The following SELENOV variants were observed in gnomAD, a reference collection of about 807,000 sequenced individuals.
SELENOV encodes selenoprotein V.
SELENOV carries 25 observed loss-of-function variants against 21.6 expected under a neutral mutation model. That is an observed-to-expected ratio of 1.16 (90% confidence interval 0.84 to 1.62). The LOEUF (loss-of-function observed/expected upper bound fraction) is 1.62. Ranked by LOEUF, SELENOV falls within the 40% of genes most tolerant of loss-of-function variation. The pLI is 0.00. For synonymous variants in SELENOV, 227 were observed against 216.9 expected (o/e 1.05, Z -0.41); for missense variants, 472 against 459.0 (o/e 1.03, Z -0.26).
chr19:39,515,671 G>A lies in SELENOV; in HGVS notation c.459G>A (p.Pro153=). ...TGGCCCCGGCCCTACCTTTGGATCC[G>A]CCCCCGGAACCTGCTCCGGAGCTGC... The change falls in exon 1 of 6, where the codon CCG becomes CCA. Residue 153 remains proline, a synonymous_variant. Transcript: ENST00000335426. This position sits in a 1 kb window ranked among gnomAD's most constrained non-coding sequence, Gnocchi z 5.1. The A allele has an allele frequency of 6.5e-7, 1 of 1,548,412 alleles. No homozygotes were observed. Among genetic ancestry groups the A allele is most frequent in the East Asian group, 2.4e-5 (1 of 40,894 alleles).
chr19:39,516,055 G>C, intron 1 of SELENOV, 34 bp downstream of exon 1: 1 of 1,540,440 alleles, frequency 6.5e-7, no homozygotes. Context: ...CCCAACCCCC[G>C]GGGACAGGGC....
At chr19:39,519,326 C>T (rs2079716930) in intron 5 of SELENOV, among the ~76,000 whole-genome samples, 156 bp downstream of exon 5, 1 of 151,834 alleles carries the variant, frequency 6.6e-6, no homozygotes, top group African/African-American at 2.4e-5. Flanking sequence ...TCAGTTGCCT[C>T]ATCTGTAAGA....
intron 1 of SELENOV, among the ~76,000 whole-genome samples, chr19:39,517,779 A>G (rs1276767596): frequency 4.0e-5 from 6 of 151,606 alleles, no homozygotes; most frequent in Admixed American, 3.3e-4. Context: ...ACACGGCAAC[A>G]TGGTGAAACC....
At chr19:39,519,209 G>C in intron 5 of SELENOV, 39 bp downstream of exon 5, 1 of 1,442,924 alleles carries the variant, frequency 6.9e-7, no homozygotes, top group East Asian at 2.3e-5. Flanking sequence ...GGGAGGGGTG[G>C]AGGCCGGGTA....
intron 1 of SELENOV, among the ~76,000 whole-genome samples, chr19:39,516,873 T>TG (rs2079699720): frequency 6.6e-6 from 1 of 151,662 alleles, no homozygotes; most frequent in African/African-American, 2.4e-5. Flanking sequence ...TTTTGTATTT[T>TG]TTTTTAGTAG....
intron 1 of SELENOV, among the ~76,000 whole-genome samples, chr19:39,517,764 G>A (rs910932206): frequency 1.8e-4 from 28 of 151,446 alleles, no homozygotes; most frequent in African/African-American, 6.6e-4. Flanking sequence ...AGACCAGCCT[G>A]GGCAACACGG....
In SELENOV at chr19:39,519,119, G is replaced by A. The variant is rs370273929; in HGVS notation, c.1012G>A (p.Val338Ile). ...GTCCAGGCTGCAGAAAATTGTGAGC[G>A]TTATCGATGAGGAAATCAAGAAAAG... The change falls in exon 5 of 6, where the codon GTT becomes ATT. Residue 338 changes from valine to isoleucine, a missense_variant. Coordinates refer to ENST00000335426, the Ensembl canonical transcript of SELENOV. 72 of 1,613,710 alleles carry A rather than the reference G, an allele frequency of 4.5e-5. No individual in the cohort carries two copies. Among genetic ancestry groups the A allele is most frequent in the South Asian group, 1.1e-4 (10 of 91,066 alleles).
chr19:39,516,321 T>A (rs2079696962), intron 1 of SELENOV: 2 of 554,918 alleles, frequency 3.6e-6, no homozygotes, highest in Admixed American at 5.0e-5. Flanking sequence ...AGCAGATCGA[T>A]CTACTTTGCT....
rs1357467045 is a variant in SELENOV at position 39,515,221 on chromosome 19, C to T, written c.9C>T (p.Asn3=). ...CGGTCCCCCTGGGCCCCATGAATAACCAGGCGCGGACCCCAGCCCCCTCCT... is the reference window on the plus strand; with the variant it reads ...CGGTCCCCCTGGGCCCCATGAATAATCAGGCGCGGACCCCAGCCCCCTCCT... Residue 3 remains asparagine, a synonymous_variant, in exon 1 of 6, where the codon AAC becomes AAT. Coordinates refer to ENST00000335426, the Ensembl canonical transcript of SELENOV. This position sits in a 1 kb window ranked among gnomAD's most constrained non-coding sequence, Gnocchi z 5.1. 6.5e-7 allele frequency: 1 copy of T among 1,547,930 alleles called. No homozygotes were observed.
Position 39,515,583 on chromosome 19 carries a change from C to T in SELENOV, c.371C>T (p.Ala124Val), listed in dbSNP as rs1357016984. The change falls in exon 1 of 6, where the codon GCC becomes GTC. Residue 124 changes from alanine (A) to valine (V), a missense_variant. Transcript: ENST00000335426. The surrounding 1 kb of genome is among the most constrained non-coding windows in gnomAD (Gnocchi z 5.1). The stretch of plus-strand genomic sequence containing the variant: ...CTGACTCCTCCAGTCCGGGTCCCAG[C>T]CCCAGCCCCAGCCCAGCTCCTGGCA... The T allele has an allele frequency of 1.9e-6, 3 of 1,547,908 alleles. No individual in the cohort carries two copies. The highest frequency in any genetic ancestry group is 3.9e-5 in the Admixed American group (2 of 50,990).
At chr19:39,516,887 C>T (rs1027978665) in intron 1 of SELENOV, among the ~76,000 whole-genome samples, 1 of 151,448 alleles carries the variant, frequency 6.6e-6, no homozygotes, top group Non-Finnish European at 1.5e-5. Flanking sequence ...TTAGTAGAGA[C>T]GGGGTTTCAC....
Position 39,515,608 on chromosome 19 carries a change from A to AG in SELENOV, c.399dup (p.Ile134AspfsTer37). 6.5e-7 allele frequency: 1 copy of AG among 1,548,534 alleles called. No homozygotes were observed. The highest frequency in any genetic ancestry group is 8.7e-7 in the Non-Finnish European group (1 of 1,146,814). Reference sequence around the variant, plus strand: ...CCCCAGCCCCAGCCCAGCTCCTGGCAGGGATTCGGGCCGCGCTCCCCGTCT... The same window carrying AG: ...CCCCAGCCCCAGCCCAGCTCCTGGCAGGGGATTCGGGCCGCGCTCCCCGTCT... On this transcript the variant is annotated frameshift_variant, in exon 1 of 6. Transcript: ENST00000335426. LOFTEE classifies it high-confidence loss of function. This position sits in a 1 kb window ranked among gnomAD's most constrained non-coding sequence, Gnocchi z 5.1.
intron 1 of SELENOV, among the ~76,000 whole-genome samples, chr19:39,516,429 C>G (rs2079697410): frequency 6.7e-6 from 1 of 149,496 alleles, no homozygotes; most frequent in Admixed American, 6.7e-5. Context: ...GGCCCCTTGT[C>G]TCTCTCTCTC....
In SELENOV at chr19:39,515,187, G is replaced by T. The variant is rs1457624801; in HGVS notation, c.-26G>T. ...GGAAGGCGGGCGGGACTCCCCAACCGGCTTGCCCCGGTCCCCCTGGGCCCC... is the reference window on the plus strand; with the variant it reads ...GGAAGGCGGGCGGGACTCCCCAACCTGCTTGCCCCGGTCCCCCTGGGCCCC... On this transcript the variant is annotated 5_prime_UTR_variant, in exon 1 of 6. Coordinates refer to ENST00000335426, the Ensembl canonical transcript of SELENOV. This position sits in a 1 kb window ranked among gnomAD's most constrained non-coding sequence, Gnocchi z 5.1. The T allele has an allele frequency of 2.1e-6, 3 of 1,446,582 alleles. No individual in the cohort carries two copies. The highest frequency in any genetic ancestry group is 2.8e-6 in the Non-Finnish European group (3 of 1,056,406). The allele number at this position is 1,446,582 out of a possible 1,614,324, so 89.6% of individuals were successfully genotyped here.
intron 1 of SELENOV, among the ~76,000 whole-genome samples, chr19:39,517,489 A>C (rs1280251487): frequency 1.3e-5 from 2 of 152,136 alleles, no homozygotes; most frequent in Non-Finnish European, 2.9e-5. Flanking sequence ...TACTGTGAAC[A>C]AAAGGCATTT....
chr19:39,516,528 T>C (rs1287287092), intron 1 of SELENOV, among the ~76,000 whole-genome samples: 1 of 151,828 alleles, frequency 6.6e-6, no homozygotes, highest in African/African-American at 2.4e-5. Context: ...CTCTCTCTCT[T>C]TTGTTTTTGT....
At chr19:39,516,155 T>G in intron 1 of SELENOV, 134 bp downstream of exon 1, 1 of 797,362 alleles carries the variant, frequency 1.3e-6, no homozygotes, top group African/African-American at 1.7e-5. Flanking sequence ...AGAGTTCCAG[T>G]TCCCAGATTG....
Position 39,515,398 on chromosome 19 carries a change from G to C in SELENOV, c.186G>C (p.Leu62=). 2 of 1,551,454 alleles carry C rather than the reference G, an allele frequency of 1.3e-6. No homozygotes were observed. The highest frequency in any genetic ancestry group is 4.9e-5 in the East Asian group (2 of 40,908). Reference sequence around the variant, plus strand: ...CAGCCGGGACTTCCCCTCTGGTCCTGACTCCTGCTCCAGCCCAGATTCCCA... The same window carrying C: ...CAGCCGGGACTTCCCCTCTGGTCCTCACTCCTGCTCCAGCCCAGATTCCCA... Residue 62 remains leucine (L), a synonymous_variant, in exon 1 of 6, where the codon CTG becomes CTC. Transcript: ENST00000335426. This position sits in a 1 kb window ranked among gnomAD's most constrained non-coding sequence, Gnocchi z 5.1.
chr19:39,518,820 AG>A (rs764708870), intron 3 of SELENOV, 27 bp downstream of exon 3: 721 of 1,611,454 alleles, frequency 4.5e-4, no homozygotes, highest in Non-Finnish European at 5.9e-4. Context: ...CCTGGGGGAG[AG>A]GGGGGTGGTC....
Sources: gnomAD v4.1 joint callset for allele counts (sites outside exome capture counted in the v4.1 genomes callset) on GRCh38, gnomAD v4.1.1 for gene constraint, Gnocchi (gnomAD v3.1) non-coding constraint, MANE v1.5 for transcripts, NCBI Gene and HGNC (gene_info 2026-07-23, HGNC 2026-07-21) for gene names.